WASF3: variants seen among roughly 807,000 people sequenced by gnomAD.
WASF3 encodes actin-binding protein WASF3.
WASF3 carries 11 observed loss-of-function variants against 46.6 expected under a neutral mutation model. The ratio of observed to expected loss-of-function variants is 0.24; its 90% CI spans 0.15 to 0.39. The LOEUF (loss-of-function observed/expected upper bound fraction) is 0.39. WASF3 is among the 10% of genes least tolerant of loss of function. The pLI, the probability that WASF3 is intolerant of heterozygous loss-of-function variation, is 1.00. For synonymous variants in WASF3, 242 were observed against 259.7 expected (o/e 0.93, Z 0.65); for missense variants, 576 against 669.8 (o/e 0.86, Z 1.55).
At chr13:26,558,412 C>A (rs1879173151) in intron 1 of WASF3, among the ~76,000 whole-genome samples, 1 of 149,148 alleles carries the variant, frequency 6.7e-6, no homozygotes, top group Non-Finnish European at 1.5e-5. Flanking sequence ...CCTCGGAGAC[C>A]AGGCCGGACT....
At chr13:26,643,764 T>G (rs1212114363) in intron 3 of WASF3, among the ~76,000 whole-genome samples, 1 of 152,252 alleles carries the variant, frequency 6.6e-6, no homozygotes, top group Non-Finnish European at 1.5e-5. Flanking sequence ...CTGTATCTCA[T>G]GCTGTAATAA....
At position 26,592,362 on chromosome 13, in the gene WASF3, G is replaced by A. The variant is rs151047684; in HGVS notation, c.-108-20599G>A. ...TAATTTTACCTTACAGTGTGTCTTA[G>A]CTCAGGCTGCGTAACAAAATACCAC... On this transcript the variant is annotated intron_variant, in intron 1 of 9. Transcript: ENST00000335327. Among the ~76,000 whole-genome samples the A allele has an allele frequency of 4.6e-5, 7 of 152,192 alleles. No homozygotes were observed. The East Asian group carries it at 1.4e-3, about 29-fold the overall frequency.
chr13:26,681,451 T>C, intron 8 of WASF3, 131 bp downstream of exon 8: 1 of 1,092,584 alleles, frequency 9.2e-7, no homozygotes, highest in South Asian at 1.7e-5. Flanking sequence ...ATGTAGATAC[T>C]AGCAACTCTA....
intron 1 of WASF3, among the ~76,000 whole-genome samples, chr13:26,564,687 T>C (rs907253054): frequency 6.6e-6 from 1 of 152,208 alleles, no homozygotes; most frequent in African/African-American, 2.4e-5. Context: ...TTTTATCAGC[T>C]AAATGGATGA....
intron 9 of WASF3, among the ~76,000 whole-genome samples, chr13:26,684,295 A>G (rs1883334659): frequency 6.6e-6 from 1 of 151,546 alleles, no homozygotes. Flanking sequence ...TTAACACCTT[A>G]TAAGCCCTGT....
chr13:26,667,297 C>CA (rs967720441), intron 4 of WASF3, among the ~76,000 whole-genome samples: 21 of 149,672 alleles, frequency 1.4e-4, no homozygotes, highest in Middle Eastern at 3.4e-3. Flanking sequence ...TAGATTACTA[C>CA]AAAAAAAAAG....
At chr13:26,632,429 T>C (rs1222243354) in intron 2 of WASF3, among the ~76,000 whole-genome samples, 1 of 152,230 alleles carries the variant, frequency 6.6e-6, no homozygotes, top group East Asian at 1.9e-4. Flanking sequence ...ATTGAGGTAA[T>C]CATGTGGTTT....
At chr13:26,543,479 A>G in the WASF3 span, among the ~76,000 whole-genome samples, 132 of 152,258 alleles carry the variant, frequency 8.7e-4, 3 homozygotes, top group East Asian at 0.024. Context: ...TATTACTAGT[A>G]TTGTACTGGG....
chr13:26,549,129 G>A, the WASF3 span, among the ~76,000 whole-genome samples: 1 of 151,602 alleles, frequency 6.6e-6, no homozygotes, highest in African/African-American at 2.4e-5. Context: ...TTACAGAGAC[G>A]CACCACCACG....
intron 1 of WASF3, among the ~76,000 whole-genome samples, chr13:26,560,737 A>T (rs536796650): frequency 6.6e-6 from 1 of 152,326 alleles, no homozygotes; most frequent in East Asian, 1.9e-4. Context: ...TACACTTCAG[A>T]GTTTTAATAT....
rs573337491 is a variant in WASF3, at chr13:26,564,298, A to G, written c.-109+6479A>G. Among the ~76,000 whole-genome samples, 9 of 152,316 alleles carry G rather than the reference A, an allele frequency of 5.9e-5. No individual in the cohort carries two copies. The Middle Eastern group carries it at 0.01, about 173-fold the overall frequency. On this transcript the variant is annotated intron_variant, in intron 1 of 9. Transcript: ENST00000335327. ...CTTGTATATAATCTGTGCATAGCAT[A>G]TGTGTGTTCCAGCTTGTCAGATAAC...
intron 2 of WASF3, among the ~76,000 whole-genome samples, chr13:26,615,349 A>G (rs2137229983): frequency 6.6e-6 from 1 of 152,084 alleles, no homozygotes; most frequent in Non-Finnish European, 1.5e-5. Flanking sequence ...TCGCTCTGTC[A>G]CCAGGCTGGC....
chr13:26,607,581 A>ATTTTTGT (rs1170764637), intron 1 of WASF3, among the ~76,000 whole-genome samples: 1 of 151,536 alleles, frequency 6.6e-6, no homozygotes, highest in African/African-American at 2.4e-5. Context: ...TGAATCTCTT[A>ATTTTTGT]TTTTTGTTTT....
At chr13:26,628,348 C>T (rs1881536566) in intron 2 of WASF3, among the ~76,000 whole-genome samples, 1 of 152,090 alleles carries the variant, frequency 6.6e-6, no homozygotes, top group African/African-American at 2.4e-5. Context: ...GAACAACCCC[C>T]TACCCCCACC....
chr13:26,656,886 T>C (rs1052644043), intron 3 of WASF3, among the ~76,000 whole-genome samples: 5 of 151,950 alleles, frequency 3.3e-5, no homozygotes, highest in African/African-American at 1.2e-4. Flanking sequence ...ATCATACTAA[T>C]TAAAGAAATA....
At chr13:26,576,707 G>A (rs1196003895) in intron 1 of WASF3, among the ~76,000 whole-genome samples, 1 of 152,184 alleles carries the variant, frequency 6.6e-6, no homozygotes, top group Admixed American at 6.5e-5. Flanking sequence ...TTGTTAGTAT[G>A]TAGAATTACA....
At chr13:26,617,302 CCCT>C (rs1881165018) in intron 2 of WASF3, among the ~76,000 whole-genome samples, 1 of 151,670 alleles carries the variant, frequency 6.6e-6, no homozygotes, top group Non-Finnish European at 1.5e-5. Context: ...AAGTGTCTTC[CCCT>C]CCATCTGTTT....
At chr13:26,645,305 A>G (rs569301145) in intron 3 of WASF3, among the ~76,000 whole-genome samples, 8 of 152,216 alleles carry the variant, frequency 5.3e-5, no homozygotes, top group African/African-American at 1.7e-4. Context: ...AGAGAGAGCA[A>G]CCCTCACTAG....
intron 1 of WASF3, among the ~76,000 whole-genome samples, chr13:26,561,527 A>T (rs1027249998): frequency 7.2e-5 from 11 of 152,020 alleles, no homozygotes; most frequent in African/African-American, 2.7e-4. Flanking sequence ...TGCACTAGGG[A>T]TCCAGATAAT....
Sources: gnomAD v4.1 joint callset for allele counts (sites outside exome capture counted in the v4.1 genomes callset) on GRCh38, gnomAD v4.1.1 for gene constraint, MANE v1.5 for transcripts, NCBI Gene and HGNC (gene_info 2026-07-23, HGNC 2026-07-21) for gene names.